OOSP1: variants seen among roughly 807,000 people sequenced by gnomAD.
The protein encoded by OOSP1 is oocyte secreted protein 1.
OOSP1 carries 11 observed loss-of-function variants against 5.7 expected under a neutral mutation model. That is an observed-to-expected ratio of 1.94 (90% CI 1.22 to 3.20). The LOEUF is 3.20. Among genes scored for constraint, OOSP1 ranks in the 30% most tolerant of loss-of-function variants. The pLI, the probability that OOSP1 is intolerant of heterozygous loss-of-function variation, is 0.00. For missense variants in OOSP1, 83 were observed against 54.1 expected (o/e 1.53, Z -1.67); for synonymous variants, 44 against 20.0 (o/e 2.20, Z -3.20).
chr11:59,948,881 G>A (rs572956635), intron 4 of OOSP1: 4 of 397,068 alleles, frequency 1.0e-5, no homozygotes, highest in Middle Eastern at 6.3e-4. Flanking sequence ...GGGATTTAAT[G>A]CTCTCAACTG....
At chr11:59,940,293 A>C (rs12420018) in intron 1 of OOSP1, among the ~76,000 whole-genome samples, 8,985 of 152,322 alleles carry the variant, frequency 0.059, 337 homozygotes, top group Middle Eastern at 0.092. Flanking sequence ...ATAATTTGCT[A>C]CATTTGCTTA....
Position 59,943,906 on chromosome 11 carries a change from C to T in OOSP1, c.258+878C>T, listed in dbSNP as rs551277347. ...ATTTTTTTCATTATCCCAAATAAAA[C>T]GCTAAAAGAAGTAATAGAACTTGAT... On this transcript the variant is annotated intron_variant, in intron 2 of 4. Transcript: ENST00000646685. 1.2e-4 allele frequency among the ~76,000 whole-genome samples: 19 copies of T among 152,138 alleles called. No homozygotes were observed. The South Asian group carries it at 1.7e-3, about 13-fold the overall frequency.
At chr11:59,938,922 G>T (rs775863948) in intron 1 of OOSP1, among the ~76,000 whole-genome samples, 1 of 152,148 alleles carries the variant, frequency 6.6e-6, no homozygotes, top group Non-Finnish European at 1.5e-5. Flanking sequence ...GCCTTATAAG[G>T]CTTAGCCTTT....
intron 3 of OOSP1, among the ~76,000 whole-genome samples, chr11:59,946,745 C>T (rs1590892113): frequency 6.6e-6 from 1 of 151,238 alleles, no homozygotes; most frequent in East Asian, 1.9e-4. Flanking sequence ...ATCAGGTTGT[C>T]AAGATCAGCA....
intron 4 of OOSP1, among the ~76,000 whole-genome samples, chr11:59,951,337 A>C (rs1224889616): frequency 1.3e-5 from 2 of 152,130 alleles, no homozygotes; most frequent in Middle Eastern, 3.2e-3. Flanking sequence ...CACAGTTTTC[A>C]TGCTTACTTT....
chr11:59,954,639 A>C (rs1853975866), intron 4 of OOSP1, among the ~76,000 whole-genome samples: 1 of 151,380 alleles, frequency 6.6e-6, no homozygotes, highest in Non-Finnish European at 1.5e-5. Flanking sequence ...TTATCTATCT[A>C]TCTATCTATC....
intron 4 of OOSP1, among the ~76,000 whole-genome samples, chr11:59,954,435 G>C (rs1853971704): frequency 6.6e-6 from 1 of 152,026 alleles, no homozygotes; most frequent in African/African-American, 2.4e-5. Flanking sequence ...GTAGTTTGCT[G>C]AACCCTGCTC....
chr11:59,952,640 G>A (rs1254246474), intron 4 of OOSP1, among the ~76,000 whole-genome samples: 1 of 152,074 alleles, frequency 6.6e-6, no homozygotes, highest in Non-Finnish European at 1.5e-5. Flanking sequence ...CAGAAGAGGG[G>A]GAAGTTGGGA....
intron 4 of OOSP1, among the ~76,000 whole-genome samples, chr11:59,953,623 C>A (rs1349172810): frequency 1.3e-5 from 2 of 152,140 alleles, no homozygotes; most frequent in African/African-American, 2.4e-5. Context: ...CTGTACCCTA[C>A]AACTGATGGT....
At chr11:59,941,721 G>A (rs1347547112) in intron 1 of OOSP1, among the ~76,000 whole-genome samples, 1 of 151,954 alleles carries the variant, frequency 6.6e-6, no homozygotes, top group East Asian at 1.9e-4. Flanking sequence ...TATTTCCCTG[G>A]GATAAATGCC....
At chr11:59,948,001 A>C in intron 4 of OOSP1, 139 bp downstream of exon 4, 1 of 394,732 alleles carries the variant, frequency 2.5e-6, no homozygotes, top group Non-Finnish European at 4.5e-6. Context: ...TCAAGAATGC[A>C]AATTCATGAT....
At chr11:59,944,347 G>GATATAAAC (rs1346306605) in intron 2 of OOSP1, among the ~76,000 whole-genome samples, 15 of 37,318 alleles carry the variant, frequency 4.0e-4, no homozygotes, top group African/African-American at 1.6e-3. Context: ...TATCAACCTT[G>GATATAAAC]ATATAAACTG....
intron 2 of OOSP1, among the ~76,000 whole-genome samples, chr11:59,943,658 A>G (rs1033766012): frequency 6.6e-6 from 1 of 152,220 alleles, no homozygotes; most frequent in Non-Finnish European, 1.5e-5. Context: ...ATTATAATTC[A>G]TGAAGTTTGG....
At chr11:59,945,234 A>G in exon 3 of OOSP1, 1 of 703,008 alleles carries the variant, frequency 1.4e-6, no homozygotes, top group Non-Finnish European at 2.6e-6. Context: ...CTACTGTCCG[A>G]TCTGAAATGC....
At chr11:59,949,209 A>G (rs1853915501) in intron 4 of OOSP1, among the ~76,000 whole-genome samples, 1 of 152,164 alleles carries the variant, frequency 6.6e-6, no homozygotes, top group South Asian at 2.1e-4. Context: ...TATTCCACAA[A>G]GAATCCCTCA....
At chr11:59,939,070 G>A (rs77933053) in intron 1 of OOSP1, among the ~76,000 whole-genome samples, 1 of 152,256 alleles carries the variant, frequency 6.6e-6, no homozygotes, top group East Asian at 1.9e-4. Flanking sequence ...GAGCAAACCA[G>A]AATGATTGGT....
chr11:59,945,750 CAAAAAAA>C (rs67604320), intron 3 of OOSP1, among the ~76,000 whole-genome samples: 352 of 45,832 alleles, frequency 7.7e-3, no homozygotes, highest in African/African-American at 0.031. Flanking sequence ...GACTCTGTCT[CAAAAAAA>C]AAAAAAAAAA....
At chr11:59,943,852 G>T (rs546063931) in intron 2 of OOSP1, among the ~76,000 whole-genome samples, 84 of 152,258 alleles carry the variant, frequency 5.5e-4, no homozygotes, top group Non-Finnish European at 1.1e-3. Context: ...AGTTTTTAAA[G>T]TTAGTAAAAT....
rs577350357 is a variant in OOSP1 at position 59,947,865 on chromosome 11, A to G, written c.486+3A>G. The G allele has an allele frequency of 1.3e-5, 5 of 398,802 alleles. No homozygotes were observed. The highest frequency in any genetic ancestry group is 1.0e-4 in the African/African-American group (5 of 48,730). The allele number at this position is 398,802 out of a possible 1,614,324, so 24.7% of individuals were successfully genotyped here. A position where few individuals can be genotyped will look rare whatever the true frequency, so the allele number is the denominator to read the frequency against. Reference sequence around the variant, plus strand: ...GTAACTTCTGCAACACAATCTTGGTAAGAACCCTTCAAAACTGGCATCTTA... The same window carrying G: ...GTAACTTCTGCAACACAATCTTGGTGAGAACCCTTCAAAACTGGCATCTTA... On this transcript the variant is annotated splice_donor_region_variant and intron_variant, in intron 4 of 4. Coordinates refer to ENST00000646685, the Ensembl canonical transcript of OOSP1.
Sources: allele counts gnomAD v4.1 joint callset (sites outside exome capture counted in the v4.1 genomes callset), GRCh38; gene constraint gnomAD v4.1.1; transcripts MANE v1.5; gene names NCBI Gene and HGNC (gene_info 2026-07-23, HGNC 2026-07-21).